CREB5: variants seen among roughly 807,000 people sequenced by gnomAD.
The protein encoded by CREB5 is cAMP responsive element binding protein 5.
In CREB5, 19 loss-of-function variants were observed where a neutral mutation model predicts 57.1. The ratio of observed to expected loss-of-function variants is 0.33; its 90% CI spans 0.23 to 0.49. The LOEUF (loss-of-function observed/expected upper bound fraction) is 0.49. Ranked by LOEUF, CREB5 falls within the 20% of genes least tolerant of loss-of-function variation. CREB5 has a pLI of 0.99. For synonymous variants in CREB5, 238 were observed against 238.3 expected (o/e 1.00, Z 0.01); for missense variants, 579 against 671.6 (o/e 0.86, Z 1.52).
intron 5 of CREB5, among the ~76,000 whole-genome samples, chr7:28,682,783 G>A (rs1041244919): frequency 7.9e-5 from 12 of 152,034 alleles, no homozygotes; most frequent in Non-Finnish European, 1.5e-4. Flanking sequence ...AATTCACCCA[G>A]GCACACAAAA....
At chr7:28,483,110 C>T (rs144398765) in intron 1 of CREB5, among the ~76,000 whole-genome samples, 2 of 152,304 alleles carry the variant, frequency 1.3e-5, no homozygotes, top group Non-Finnish European at 2.9e-5. Flanking sequence ...AGTTGTTACC[C>T]TTAAGTTTAC....
At chr7:28,361,348 T>C (rs1786476043) in intron 1 of CREB5, among the ~76,000 whole-genome samples, 1 of 152,194 alleles carries the variant, frequency 6.6e-6, no homozygotes, top group Admixed American at 6.5e-5. Flanking sequence ...ATGTTCATAT[T>C]GCTTTGGCTG....
At chr7:28,572,319 C>T (rs55991100) in intron 5 of CREB5, among the ~76,000 whole-genome samples, 1 of 152,280 alleles carries the variant, frequency 6.6e-6, no homozygotes, top group East Asian at 1.9e-4. Flanking sequence ...TGGTAAGTGT[C>T]TCTGCTAAAG....
intron 5 of CREB5, among the ~76,000 whole-genome samples, chr7:28,698,133 A>G (rs909344132): frequency 6.6e-6 from 1 of 152,160 alleles, no homozygotes; most frequent in African/African-American, 2.4e-5. Flanking sequence ...AGTGCTTGGC[A>G]AGATGGATTT....
chr7:28,318,716 A>G (rs1785428890), intron 1 of CREB5, among the ~76,000 whole-genome samples: 1 of 152,208 alleles, frequency 6.6e-6, no homozygotes, highest in African/African-American at 2.4e-5. Context: ...AATGTCCTGC[A>G]TCTAGTTCTA....
intron 9 of CREB5, among the ~76,000 whole-genome samples, chr7:28,814,156 C>G (rs1809286773): frequency 6.6e-6 from 1 of 152,162 alleles, no homozygotes; most frequent in Non-Finnish European, 1.5e-5. Context: ...TTGTTCTCTT[C>G]CAAAATGAAT....
At chr7:28,330,953 T>C (rs977357113) in intron 1 of CREB5, among the ~76,000 whole-genome samples, 1 of 152,114 alleles carries the variant, frequency 6.6e-6, no homozygotes, top group Admixed American at 6.5e-5. Context: ...TAGCCCCTGC[T>C]TGCAAACTTC....
rs529062385 is a variant in CREB5 at position 28,687,219 on chromosome 7, G to A, written c.465-31534G>A. 9.9e-5 allele frequency among the ~76,000 whole-genome samples: 15 copies of A among 152,160 alleles called. No homozygotes were observed. In the South Asian group the frequency reaches 3.1e-3, roughly 32 times the overall value. The stretch of plus-strand genomic sequence containing the variant: ...GCATGTTGACATTCTGTTGTTCCAC[G>A]TGCTAATTAATCCGGTGCTATCTTT... On this transcript the variant is annotated intron_variant, in intron 5 of 10. Coordinates refer to ENST00000357727, the MANE Select transcript of CREB5 (RefSeq NM_182898.4).
At chr7:28,507,807 C>A in intron 4 of CREB5, 70 bp downstream of exon 4, 1 of 1,512,990 alleles carries the variant, frequency 6.6e-7, no homozygotes, top group South Asian at 1.3e-5. Context: ...CTAGGTGGCA[C>A]TGCACTGCAG....
chr7:28,608,740 A>G (rs539186485), intron 5 of CREB5, among the ~76,000 whole-genome samples: 1 of 152,250 alleles, frequency 6.6e-6, no homozygotes, highest in South Asian at 2.1e-4. Context: ...TTCCTCAGAC[A>G]TGGCCAACTT....
At chr7:28,790,937 C>T (rs747093969) in intron 7 of CREB5, among the ~76,000 whole-genome samples, 18 of 152,178 alleles carry the variant, frequency 1.2e-4, no homozygotes, top group Non-Finnish European at 2.5e-4. Context: ...TTTTGTTAGC[C>T]TCTGGTTAAC....
chr7:28,799,076 G>A (rs141242920), intron 7 of CREB5, among the ~76,000 whole-genome samples: 209 of 152,292 alleles, frequency 1.4e-3, no homozygotes, highest in African/African-American at 4.7e-3. Context: ...ATCCAGGGAC[G>A]CAGTAGGTTC....
chr7:28,713,053 ATTTATTT>A (rs1220891053), intron 5 of CREB5, among the ~76,000 whole-genome samples: 8 of 151,896 alleles, frequency 5.3e-5, no homozygotes, highest in African/African-American at 1.9e-4. Flanking sequence ...AAAAATTTTT[ATTTATTT>A]TTTATTTTTT....
At chr7:28,719,293 G>A (rs1802883217) in intron 6 of CREB5, among the ~76,000 whole-genome samples, 1 of 152,208 alleles carries the variant, frequency 6.6e-6, no homozygotes, top group Non-Finnish European at 1.5e-5. Context: ...CATAATAGCT[G>A]CTAACATGCA....
chr7:28,533,399 A>G (rs1207161961), intron 4 of CREB5, among the ~76,000 whole-genome samples: 3 of 152,218 alleles, frequency 2.0e-5, no homozygotes, highest in East Asian at 3.8e-4. Context: ...GTTCCGGGCC[A>G]TAAGACACAT....
At chr7:28,418,025 A>G (rs1179699037) in intron 1 of CREB5, among the ~76,000 whole-genome samples, 1 of 152,194 alleles carries the variant, frequency 6.6e-6, no homozygotes, top group Non-Finnish European at 1.5e-5. Context: ...CTCACATTTC[A>G]GTTACAGTAT....
At chr7:28,307,104 G>A (rs1362071952) in intron 1 of CREB5, among the ~76,000 whole-genome samples, 1 of 152,168 alleles carries the variant, frequency 6.6e-6, no homozygotes, top group East Asian at 1.9e-4. Flanking sequence ...AGCCGATAAA[G>A]AGATGGATGT....
intron 7 of CREB5, among the ~76,000 whole-genome samples, chr7:28,788,965 C>T (rs1807500195): frequency 6.6e-6 from 1 of 152,176 alleles, no homozygotes; most frequent in Non-Finnish European, 1.5e-5. Flanking sequence ...TGTATTCCTA[C>T]ATTGACGTAT....
intron 7 of CREB5, among the ~76,000 whole-genome samples, chr7:28,791,768 T>C (rs1713135128): frequency 6.6e-6 from 1 of 152,212 alleles, no homozygotes; most frequent in Admixed American, 6.5e-5. Context: ...AGAGATGCCA[T>C]TTTCAATTAA....
Sources: allele counts gnomAD v4.1 joint callset (sites outside exome capture counted in the v4.1 genomes callset), GRCh38; gene constraint gnomAD v4.1.1; transcripts MANE v1.5; gene names NCBI Gene and HGNC (gene_info 2026-07-23, HGNC 2026-07-21).